The following KCNQ3 variants were observed in gnomAD, a reference collection of about 807,000 sequenced individuals.
KCNQ3 encodes the protein potassium voltage-gated channel subfamily Q member 3.
A neutral mutation model predicts 92.5 loss-of-function variants in KCNQ3; 30 were observed. The ratio of observed to expected loss-of-function variants is 0.32; its 90% CI spans 0.24 to 0.44. The LOEUF is 0.44. KCNQ3 is among the 20% of genes least tolerant of loss of function. The pLI is 1.00. For synonymous variants in KCNQ3, 450 were observed against 468.8 expected (o/e 0.96, Z 0.52); for missense variants, 913 against 1,140.3 (o/e 0.80, Z 2.87).
chr8:132,401,519 T>A (rs1369111045), intron 1 of KCNQ3, among the ~76,000 whole-genome samples: 5 of 151,998 alleles, frequency 3.3e-5, no homozygotes, highest in Non-Finnish European at 7.4e-5. Context: ...GGGATGACAG[T>A]CATGTGCCAC....
chr8:132,172,137 T>C (rs572215611), intron 7 of KCNQ3, among the ~76,000 whole-genome samples: 14 of 151,950 alleles, frequency 9.2e-5, no homozygotes, highest in Admixed American at 7.9e-4. Flanking sequence ...CAGTGAGCTA[T>C]GATCGCACCC....
At position 132,124,458 on chromosome 8, in the gene KCNQ3, AAATGCTTTTG is replaced by A. The variant is rs1824599185; in HGVS notation, c.*4794_*4803del. The A allele has an allele frequency of 6.6e-6, 1 of 152,236 alleles. No homozygotes were observed. The highest frequency in any genetic ancestry group is 1.5e-5 in the Non-Finnish European group (1 of 68,056). The allele number at this position is 152,236 out of a possible 1,614,324, so 9.4% of individuals were successfully genotyped here. The stretch of plus-strand genomic sequence containing the variant: ...AAAATCAAAACACGGCAGAAGAGTC[AAATGCTTTTG>A]AATGTGCTGAAACTCAAATTTTCTT... On this transcript the variant is annotated 3_prime_UTR_variant, in exon 15 of 15. Transcript: ENST00000388996.
intron 1 of KCNQ3, among the ~76,000 whole-genome samples, chr8:132,249,785 T>G (rs1291573524): frequency 2.0e-5 from 3 of 152,090 alleles, no homozygotes; most frequent in Non-Finnish European, 4.4e-5. Flanking sequence ...GGGCTGCAGG[T>G]CCTGAGCCCT....
intron 1 of KCNQ3, among the ~76,000 whole-genome samples, chr8:132,235,561 T>TA (rs1298323766): frequency 3.3e-5 from 5 of 152,158 alleles, no homozygotes; most frequent in African/African-American, 9.7e-5. Context: ...GAGAGAGACT[T>TA]ACGTGACCAC....
chr8:132,345,923 GTGA>G (rs150778628), intron 1 of KCNQ3, among the ~76,000 whole-genome samples: 4,665 of 151,584 alleles, frequency 0.031, 87 homozygotes, highest in African/African-American at 0.052. Flanking sequence ...TGGTAATAAC[GTGA>G]TGATGATGAT....
At chr8:132,478,593 T>A (rs1193342333) in intron 1 of KCNQ3, among the ~76,000 whole-genome samples, 1 of 151,802 alleles carries the variant, frequency 6.6e-6, no homozygotes, top group Admixed American at 6.6e-5. Context: ...TGTTAAGCCG[T>A]CTCTCCAACC....
chr8:132,187,404 CA>C (rs1280382613), intron 1 of KCNQ3, among the ~76,000 whole-genome samples: 1 of 152,154 alleles, frequency 6.6e-6, no homozygotes, highest in Non-Finnish European at 1.5e-5. Context: ...TGGCTGGGAC[CA>C]AGTACTGCCT....
intron 1 of KCNQ3, among the ~76,000 whole-genome samples, chr8:132,217,407 C>T (rs967033608): frequency 2.0e-5 from 3 of 152,074 alleles, no homozygotes; most frequent in African/African-American, 7.2e-5. Context: ...GAGGTAAAGG[C>T]CCATATAAAA....
chr8:132,427,308 G>A (rs1022786726), intron 1 of KCNQ3, among the ~76,000 whole-genome samples: 1 of 152,172 alleles, frequency 6.6e-6, no homozygotes, highest in Non-Finnish European at 1.5e-5. Flanking sequence ...AGGCACCTCA[G>A]TCTCTGTCTG....
At chr8:132,142,097 C>T (rs759562504) in intron 9 of KCNQ3, among the ~76,000 whole-genome samples, 8 of 152,188 alleles carry the variant, frequency 5.3e-5, no homozygotes, top group Non-Finnish European at 1.2e-4. Flanking sequence ...TATATGACTA[C>T]ATCTCAAAAT....
intron 1 of KCNQ3, among the ~76,000 whole-genome samples, chr8:132,353,097 G>A (rs1285154218): frequency 6.6e-6 from 1 of 152,076 alleles, no homozygotes; most frequent in African/African-American, 2.4e-5. Context: ...ATGGTGGTGG[G>A]CGCCTGTAAT....
intron 1 of KCNQ3, among the ~76,000 whole-genome samples, chr8:132,374,456 G>A (rs1819557775): frequency 6.6e-6 from 1 of 152,238 alleles, no homozygotes; most frequent in Non-Finnish European, 1.5e-5. Flanking sequence ...CTACTGCAGG[G>A]GCCTTGGCCC....
intron 6 of KCNQ3, 35 bp from the exon 7 acceptor site, chr8:132,172,728 G>C: frequency 6.7e-7 from 1 of 1,493,554 alleles, no homozygotes; most frequent in African/African-American, 1.4e-5. Flanking sequence ...TCAGCCCCCA[G>C]CTAGACTGTC....
At chr8:132,299,426 A>C (rs1273989158) in intron 1 of KCNQ3, among the ~76,000 whole-genome samples, 1 of 152,138 alleles carries the variant, frequency 6.6e-6, no homozygotes, top group Admixed American at 6.5e-5. Context: ...TTCATATGAA[A>C]GCTGGATCCT....
intron 1 of KCNQ3, among the ~76,000 whole-genome samples, chr8:132,300,288 A>G (rs1435472998): frequency 6.6e-6 from 1 of 152,082 alleles, no homozygotes; most frequent in African/African-American, 2.4e-5. Context: ...CTGCCGTTTC[A>G]TGTGCAGAAT....
intron 1 of KCNQ3, among the ~76,000 whole-genome samples, chr8:132,369,165 A>G (rs1049478824): frequency 2.0e-4 from 31 of 152,272 alleles, no homozygotes; most frequent in African/African-American, 7.5e-4. Flanking sequence ...ACATCATATC[A>G]AGAGTACATA....
intron 1 of KCNQ3, among the ~76,000 whole-genome samples, chr8:132,411,384 C>T (rs963154131): frequency 1.1e-4 from 17 of 152,094 alleles, no homozygotes; most frequent in Middle Eastern, 3.4e-3. Flanking sequence ...GGATTGGGGA[C>T]GTAGGAATGT....
intron 9 of KCNQ3, among the ~76,000 whole-genome samples, chr8:132,159,862 C>T (rs1825930358): frequency 6.6e-6 from 1 of 152,134 alleles, no homozygotes; most frequent in African/African-American, 2.4e-5. Context: ...TCCACCCATT[C>T]ATCCATCCAT....
chr8:132,390,427 T>C (rs1446880344), intron 1 of KCNQ3, among the ~76,000 whole-genome samples: 1 of 152,154 alleles, frequency 6.6e-6, no homozygotes, highest in African/African-American at 2.4e-5. Flanking sequence ...CTGTACATTG[T>C]GTTACGCTTT....
Sources: gnomAD v4.1 joint callset for allele counts (sites outside exome capture counted in the v4.1 genomes callset) on GRCh38, gnomAD v4.1.1 for gene constraint, MANE v1.5 for transcripts, NCBI Gene and HGNC (gene_info 2026-07-23, HGNC 2026-07-21) for gene names.